The following PHKG2 variants were observed in gnomAD, a reference collection of about 807,000 sequenced individuals.
PHKG2 encodes the protein phosphorylase kinase catalytic subunit gamma 2.
A neutral mutation model predicts 44.5 loss-of-function variants in PHKG2; 28 were observed. The observed-to-expected ratio is 0.63, with a 90% CI of 0.47 to 0.86. PHKG2 has a LOEUF of 0.86. Among genes scored for constraint, PHKG2 ranks in the 40% least tolerant of loss-of-function variants. The probability of loss-of-function intolerance (pLI) is 0.00; values close to 1 mark genes in which losing one functional copy is unlikely to be tolerated. For missense variants in PHKG2, 498 were observed against 547.5 expected (o/e 0.91, Z 0.90); for synonymous variants, 220 against 211.2 (o/e 1.04, Z -0.36).
At chr16:30,749,734 G>A (rs1390064039) in intron 2 of PHKG2, among the ~76,000 whole-genome samples, 4 of 152,116 alleles carry the variant, frequency 2.6e-5, no homozygotes, top group African/African-American at 4.8e-5. Context: ...ATTTTTTCAC[G>A]GATTCATTCA....
chr16:30,755,772 A>G (rs980754965), intron 6 of PHKG2, among the ~76,000 whole-genome samples: 1 of 152,190 alleles, frequency 6.6e-6, no homozygotes, highest in African/African-American at 2.4e-5. Context: ...TTGGGCAGAT[A>G]GGAATGCAGA....
intron 1 of PHKG2, 38 bp downstream of exon 1, chr16:30,748,528 C>T (rs889496273): frequency 9.9e-6 from 5 of 507,552 alleles, no homozygotes; most frequent in Non-Finnish European, 1.8e-5. Flanking sequence ...TTCCTGCGCC[C>T]GCCCGAATGC....
chr16:30,753,303 G>A lies in PHKG2; in HGVS notation c.392+6G>A, dbSNP rs748373892. On this transcript the variant is annotated splice_donor_region_variant and intron_variant, in intron 5 of 9. Transcript: ENST00000563588. ...CTCTCTGAAAAGGAAACCAGGTAAG[G>A]GTTGAGCCTGAAGCCCCAGGGGTGA... 2 of 1,614,006 alleles carry A rather than the reference G, an allele frequency of 1.2e-6. No individual in the cohort carries two copies. Among genetic ancestry groups the A allele is most frequent in the Admixed American group, 1.7e-5 (1 of 60,000 alleles).
chr16:30,761,141 T>C lies in PHKG2; in HGVS notation c.*4044T>C, dbSNP rs868375268. ...ATGCCCTGGCCACAGACAGGACTGT[T>C]GGGGAGACAATAAAGAACGCAAATA... On this transcript the variant is annotated 3_prime_UTR_variant, in exon 10 of 10. Coordinates refer to ENST00000563588, the MANE Select transcript of PHKG2 (RefSeq NM_000294.3). The C allele has an allele frequency of 6.3e-7, 1 of 1,591,174 alleles. No homozygotes were observed.
Position 30,761,060 on chromosome 16 carries a change from TC to T in PHKG2, c.*3965del. The T allele has an allele frequency of 1.0e-6, 1 of 1,003,908 alleles. No homozygotes were observed. The highest frequency in any genetic ancestry group is 3.2e-4 in the Middle Eastern group (1 of 3,142). 62.2% of individuals were successfully genotyped at this position (1,003,908 alleles called of 1,614,324 possible). A position where few individuals can be genotyped will look rare whatever the true frequency, so the allele number is the denominator to read the frequency against. On this transcript the variant is annotated 3_prime_UTR_variant, in exon 10 of 10. Transcript: ENST00000563588. The stretch of plus-strand genomic sequence containing the variant: ...GACTGGAGAGGCTGGAAAGCCAACT[TC>T]CAGTCACCTGGAGTAATTGCATCTC...
At chr16:30,752,924 T>C (rs2053370829) in intron 4 of PHKG2, 6 of 432,832 alleles carry the variant, frequency 1.4e-5, no homozygotes, top group South Asian at 2.7e-5. Flanking sequence ...ATTTTCTTTA[T>C]AGATTCACTT....
rs772392144 is a variant in PHKG2 at position 30,756,485 on chromosome 16, G to A, written c.766G>A (p.Glu256Lys). The A allele has an allele frequency of 8.7e-6, 14 of 1,613,286 alleles. No homozygotes were observed. Among genetic ancestry groups the A allele is most frequent in the South Asian group, 1.1e-5 (1 of 91,092 alleles). The stretch of plus-strand genomic sequence containing the variant: ...GGGCCAGTACCAGTTCAGTTCCCCC[G>A]AGTGGGATGACCGTTCCAGCACTGT... ...MEGQYQFSSPEWDDRSSTVKD... is the reference protein window; with the variant it reads ...MEGQYQFSSPKWDDRSSTVKD... The change falls in exon 8 of 10, where the codon GAG (glutamate) becomes AAG (lysine). Residue 256 changes from glutamate to lysine, a missense_variant. Physicochemically the swap from Glu to Lys is moderately conservative, Grantham distance 56. Coordinates refer to ENST00000563588, the MANE Select transcript of PHKG2 (RefSeq NM_000294.3).
chr16:30,753,322 G>A (rs774298280), intron 5 of PHKG2, 25 bp downstream of exon 5: 42 of 1,613,696 alleles, frequency 2.6e-5, no homozygotes, highest in Non-Finnish European at 3.5e-5. Context: ...TGAAGCCCCA[G>A]GGGTGAGCAG....
At chr16:30,750,374 T>C (rs1196571263) in intron 2 of PHKG2, among the ~76,000 whole-genome samples, 1 of 152,186 alleles carries the variant, frequency 6.6e-6, no homozygotes, top group Non-Finnish European at 1.5e-5. Context: ...ACAGTAAGGC[T>C]CTGCGAAGGG....
At chr16:30,750,383 G>C (rs1243260678) in intron 2 of PHKG2, among the ~76,000 whole-genome samples, 5 of 152,166 alleles carry the variant, frequency 3.3e-5, no homozygotes, top group Non-Finnish European at 7.3e-5. Context: ...CTCTGCGAAG[G>C]GCAGCCAGGG....
intron 2 of PHKG2, among the ~76,000 whole-genome samples, chr16:30,749,232 T>C (rs1351848465): frequency 1.5e-5 from 2 of 135,862 alleles, no homozygotes; most frequent in South Asian, 2.4e-4. Context: ...TGTCTTTCGG[T>C]GGTGGTGGTG....
Position 30,759,688 on chromosome 16 carries a change from TA to T in PHKG2, c.*2592del. ...ATGGCAAAAAAGGACACTGGTGAAG[TA>T]GCGGTAGCACTCCTCCACGTTGCCC... On this transcript the variant is annotated 3_prime_UTR_variant, in exon 10 of 10. Transcript: ENST00000563588. The T allele has an allele frequency of 6.2e-7, 1 of 1,613,794 alleles. No homozygotes were observed.
Position 30,761,146 on chromosome 16 carries a change from A to G in PHKG2, c.*4049A>G. ...CTGGCCACAGACAGGACTGTTGGGG[A>G]GACAATAAAGAACGCAAATATTCAG... On this transcript the variant is annotated 3_prime_UTR_variant, in exon 10 of 10. Transcript: ENST00000563588. 7 of 1,596,552 alleles carry G rather than the reference A, an allele frequency of 4.4e-6. No individual in the cohort carries two copies. The highest frequency in any genetic ancestry group is 5.1e-6 in the Non-Finnish European group (6 of 1,166,610).
Position 30,760,293 on chromosome 16 carries a change from C to G in PHKG2, c.*3196C>G. ...AGCTGCCCCCTCTCACCAATACAAGCCTTGTGAAGATCCTGGAGCAGGGCA... is the reference window on the plus strand; with the variant it reads ...AGCTGCCCCCTCTCACCAATACAAGGCTTGTGAAGATCCTGGAGCAGGGCA... On this transcript the variant is annotated 3_prime_UTR_variant, in exon 10 of 10. Transcript: ENST00000563588. 1.2e-6 allele frequency: 2 copies of G among 1,614,210 alleles called. No homozygotes were observed. Among genetic ancestry groups the G allele is most frequent in the Non-Finnish European group, 1.7e-6 (2 of 1,180,044 alleles).
At position 30,759,369 on chromosome 16, in the gene PHKG2, C is replaced by T. The variant is rs200532920; in HGVS notation, c.*2272C>T. 1.9e-6 allele frequency: 3 copies of T among 1,614,220 alleles called. No individual in the cohort carries two copies. Among genetic ancestry groups the T allele is most frequent in the Non-Finnish European group, 2.5e-6 (3 of 1,180,034 alleles). ...GGGGTGTGAAGACGTATTTATAGAG[C>T]TTGAAGTGGCGGAAGTAAGTGTTGA... is the stretch of plus-strand genomic sequence containing the variant. On this transcript the variant is annotated 3_prime_UTR_variant, in exon 10 of 10. Transcript: ENST00000563588.
At chr16:30,749,550 T>TCAA (rs1445854653) in intron 2 of PHKG2, among the ~76,000 whole-genome samples, 2 of 151,928 alleles carry the variant, frequency 1.3e-5, no homozygotes, top group African/African-American at 4.8e-5. Flanking sequence ...TTCACCATAT[T>TCAA]GGCCACGCTG....
At position 30,757,066 on chromosome 16, in the gene PHKG2, C is replaced by A; in HGVS notation, c.1190C>A (p.Thr397Asn). 6.2e-7 allele frequency: 1 copy of A among 1,613,368 alleles called. No individual in the cohort carries two copies. ...GAGGAGGGAGACTCTGCTGCTATAA[C>A]TGAGGATGAGGCCGTGCTTGTGCTG... Reference protein sequence around the residue: ...PEEEGDSAAITEDEAVLVLG With the variant: ...PEEEGDSAAINEDEAVLVLG The change falls in exon 10 of 10, where the codon ACT becomes AAT. Residue 397 changes from threonine to asparagine, a missense_variant. Coordinates refer to ENST00000563588, the MANE Select transcript of PHKG2 (RefSeq NM_000294.3).
In PHKG2 at chr16:30,760,799, T is replaced by C; in HGVS notation, c.*3702T>C. 1 of 791,110 alleles carries C rather than the reference T, an allele frequency of 1.3e-6. No homozygotes were observed. 49.0% of individuals were successfully genotyped at this position (791,110 alleles called of 1,614,324 possible). On this transcript the variant is annotated 3_prime_UTR_variant, in exon 10 of 10. Coordinates refer to ENST00000563588, the MANE Select transcript of PHKG2 (RefSeq NM_000294.3). ...CTCTTTTGCCAGCTTGCTGTGTGAC[T>C]ATGCAAATCGTTAACTCTCTGGGCC...
At position 30,756,280 on chromosome 16, in the gene PHKG2, C is replaced by T. The variant is rs1393646143; in HGVS notation, c.647+8C>T. 6.2e-7 allele frequency: 1 copy of T among 1,614,012 alleles called. No homozygotes were observed. Among genetic ancestry groups the T allele is most frequent in the Non-Finnish European group, 8.5e-7 (1 of 1,179,902 alleles). The stretch of plus-strand genomic sequence containing the variant: ...TGGCAAGGAGGTCGACCTGTGAGTT[C>T]CTGGTCTCCCCCTCCCTCCCGTGCT... On this transcript the variant is annotated splice_region_variant and intron_variant, in intron 7 of 9. Coordinates refer to ENST00000563588, the MANE Select transcript of PHKG2 (RefSeq NM_000294.3).
Sources: allele counts gnomAD v4.1 joint callset (sites outside exome capture counted in the v4.1 genomes callset), GRCh38; gene constraint gnomAD v4.1.1; transcripts MANE v1.5; gene names NCBI Gene and HGNC (gene_info 2026-07-23, HGNC 2026-07-21).